GPT2: variants seen among roughly 807,000 people sequenced by gnomAD.
GPT2 encodes glutamic--pyruvic transaminase 2.
Under a neutral mutation model 56.9 loss-of-function variants are expected in GPT2, and 30 were observed. That is an observed-to-expected ratio of 0.53 (90% confidence interval 0.39 to 0.72). The LOEUF is 0.72. Among genes scored for constraint, GPT2 ranks in the 30% least tolerant of loss-of-function variants. The pLI, the probability that GPT2 is intolerant of heterozygous loss-of-function variation, is 0.00. For synonymous variants in GPT2, 271 were observed against 283.1 expected (o/e 0.96, Z 0.43); for missense variants, 542 against 703.4 (o/e 0.77, Z 2.60).
chr16:46,910,920 T>G (rs1961036378), intron 6 of GPT2, among the ~76,000 whole-genome samples: 1 of 152,242 alleles, frequency 6.6e-6, no homozygotes, highest in Non-Finnish European at 1.5e-5. Context: ...ACTGGTTTTT[T>G]GGGTGTTTTT....
intron 3 of GPT2, among the ~76,000 whole-genome samples, chr16:46,900,035 T>C (rs980143041): frequency 2.0e-5 from 3 of 152,192 alleles, no homozygotes; most frequent in Non-Finnish European, 4.4e-5. Flanking sequence ...ACCCCACTGG[T>C]GTCAGAGCCA....
rs540268525 is a variant in GPT2 at position 46,920,187 on chromosome 16, T to C, written c.1037+1430T>C. The stretch of plus-strand genomic sequence containing the variant: ...CACTGCATGATGAATCTTTAGTTGT[T>C]CAAACAACAGGAAGGATGGTGTTGC... On this transcript the variant is annotated intron_variant, in intron 8 of 11. Coordinates refer to ENST00000340124, the MANE Select transcript of GPT2 (RefSeq NM_133443.4). Among the ~76,000 whole-genome samples, 3 of 152,330 alleles carry C rather than the reference T, an allele frequency of 2.0e-5. No individual in the cohort carries two copies. In the South Asian group the frequency reaches 6.2e-4, roughly 32 times the overall value.
In GPT2 at chr16:46,918,762, G is replaced by A. The variant is rs1277787958; in HGVS notation, c.1037+5G>A. 4 of 1,613,518 alleles carry A rather than the reference G, an allele frequency of 2.5e-6. No individual in the cohort carries two copies. Among genetic ancestry groups the A allele is most frequent in the African/African-American group, 2.7e-5 (2 of 75,044 alleles). On this transcript the variant is annotated splice_donor_5th_base_variant and intron_variant, in intron 8 of 11. Transcript: ENST00000340124. The stretch of plus-strand genomic sequence containing the variant: ...CTCCAAGGGCTACATGGGCGAGTAC[G>A]TGGGCCTCCCTTCCCTCTGCCACTG...
chr16:46,906,921 G>A lies in GPT2; in HGVS notation c.522G>A (p.Val174=), dbSNP rs1196853362. The change falls in exon 5 of 12, where the codon GTG becomes GTA. Residue 174 remains valine, a synonymous_variant. Transcript: ENST00000340124. Reference sequence around the variant, plus strand: ...ACATCACCAGGAGGGATGGCGGTGTGCCTGCGGACCCCGACAACATCTACC... The same window carrying A: ...ACATCACCAGGAGGGATGGCGGTGTACCTGCGGACCCCGACAACATCTACC... ...AAYITRRDGG[V]PADPDNIYLT... is the part of the protein sequence containing the mutation. 1.2e-6 allele frequency: 2 copies of A among 1,614,116 alleles called. No homozygotes were observed. The highest frequency in any genetic ancestry group is 2.7e-5 in the African/African-American group (2 of 74,924).
At chr16:46,898,571 G>T (rs1267276191) in intron 3 of GPT2, among the ~76,000 whole-genome samples, 1 of 151,944 alleles carries the variant, frequency 6.6e-6, no homozygotes, top group Non-Finnish European at 1.5e-5. Flanking sequence ...TGTCGCCCAG[G>T]TTTGTTTTTG....
At chr16:46,921,504 G>T (rs1176112912) in intron 8 of GPT2, among the ~76,000 whole-genome samples, 1 of 152,120 alleles carries the variant, frequency 6.6e-6, no homozygotes, top group Admixed American at 6.6e-5. Flanking sequence ...GCATCTCATT[G>T]TGTCAGGTGC....
intron 1 of GPT2, 95 bp from the exon 2 acceptor site, chr16:46,884,599 C>T (rs909170522): frequency 5.7e-5 from 71 of 1,246,674 alleles, no homozygotes; most frequent in Non-Finnish European, 6.3e-5. Flanking sequence ...GCTGGCACCG[C>T]TCGCTGAAAG....
At chr16:46,898,998 C>CACATAT (rs1461027843) in intron 3 of GPT2, among the ~76,000 whole-genome samples, 2 of 124,438 alleles carry the variant, frequency 1.6e-5, no homozygotes, top group African/African-American at 7.2e-5. Flanking sequence ...ATATAACACA[C>CACATAT]ATATATATAT....
chr16:46,909,656 C>G, intron 5 of GPT2, 28 bp from the exon 6 acceptor site: 2 of 1,603,698 alleles, frequency 1.2e-6, no homozygotes, highest in South Asian at 2.2e-5. Flanking sequence ...GTAGTGCTGG[C>G]TTTCTAGATG....
chr16:46,919,431 C>T (rs1465644634), intron 8 of GPT2, among the ~76,000 whole-genome samples: 1 of 152,296 alleles, frequency 6.6e-6, no homozygotes, highest in Admixed American at 6.5e-5. Context: ...CTGAGTTAAA[C>T]CCCGAAGGAG....
At chr16:46,899,743 T>C (rs544514944) in intron 3 of GPT2, among the ~76,000 whole-genome samples, 1 of 152,254 alleles carries the variant, frequency 6.6e-6, no homozygotes, top group East Asian at 1.9e-4. Flanking sequence ...CAAGTGAGAG[T>C]GGCCTCTCAG....
intron 2 of GPT2, among the ~76,000 whole-genome samples, chr16:46,889,260 T>TTC: frequency 6.8e-6 from 1 of 147,982 alleles, no homozygotes; most frequent in East Asian, 2.0e-4. Context: ...TTTTTTTTTT[T>TTC]TTTTTTTTTT....
chr16:46,924,609 C>A, intron 10 of GPT2, 65 bp downstream of exon 10: 1 of 1,567,080 alleles, frequency 6.4e-7, no homozygotes. Context: ...GGTTGGGGGC[C>A]CCTGCTTATC....
At chr16:46,917,415 G>C (rs1439490927) in intron 7 of GPT2, among the ~76,000 whole-genome samples, 3 of 152,152 alleles carry the variant, frequency 2.0e-5, no homozygotes, top group African/African-American at 7.2e-5. Flanking sequence ...GTGCCTCCCA[G>C]CGCTTCTGTA....
At chr16:46,917,723 T>C (rs1017733458) in intron 7 of GPT2, among the ~76,000 whole-genome samples, 10 of 151,688 alleles carry the variant, frequency 6.6e-5, no homozygotes, top group Non-Finnish European at 1.0e-4. Flanking sequence ...CATACACACA[T>C]ATACATATGT....
rs1427250183 is a variant in GPT2, at chr16:46,884,910, G to A, written c.195G>A (p.Arg65=). The part of the protein sequence containing the change: ...PQVKAVEYAV[R]GPIVLKAGEI... ...TGAAGGCGGTGGAGTACGCCGTGCG[G>A]GGACCCATCGTGCTCAAGGCCGGCG... Residue 65 remains arginine, a synonymous_variant, in exon 2 of 12, where the codon CGG becomes CGA. Transcript: ENST00000340124. The A allele has an allele frequency of 6.5e-7, 1 of 1,540,524 alleles. No individual in the cohort carries two copies. Among genetic ancestry groups the A allele is most frequent in the Middle Eastern group, 2.3e-4 (1 of 4,340 alleles).
chr16:46,915,752 TCACA>T (rs1196420077), intron 6 of GPT2: 2 of 115,644 alleles, frequency 1.7e-5, no homozygotes, highest in Non-Finnish European at 3.6e-5. Context: ...CACTACAGAC[TCACA>T]CACACACCAC....
chr16:46,910,803 G>T (rs1961034562), intron 6 of GPT2, among the ~76,000 whole-genome samples: 2 of 152,064 alleles, frequency 1.3e-5, no homozygotes, highest in Admixed American at 6.6e-5. Context: ...GTCTTGCTGT[G>T]TGTCCCAGGC....
intron 3 of GPT2, among the ~76,000 whole-genome samples, chr16:46,898,986 A>ATG (rs1162956637): frequency 7.3e-6 from 1 of 137,028 alleles, no homozygotes; most frequent in African/African-American, 2.7e-5. Flanking sequence ...ATATATATAT[A>ATG]TATATAACAC....
Sources: gnomAD v4.1 joint callset for allele counts (sites outside exome capture counted in the v4.1 genomes callset) on GRCh38, gnomAD v4.1.1 for gene constraint, MANE v1.5 for transcripts, NCBI Gene and HGNC (gene_info 2026-07-23, HGNC 2026-07-21) for gene names.